CCSER1: variants seen among roughly 807,000 people sequenced by gnomAD.
CCSER1 encodes the protein coiled-coil serine rich protein 1, also known as serine-rich coiled-coil domain-containing protein 1.
In CCSER1, 41 loss-of-function variants were observed where a neutral mutation model predicts 82.0. The observed-to-expected ratio is 0.50, with a 90% CI of 0.39 to 0.65. The LOEUF is 0.65. CCSER1 is among the 30% of genes least tolerant of loss of function. CCSER1 has a pLI of 0.00. For synonymous variants in CCSER1, 414 were observed against 383.9 expected, an observed-to-expected ratio of 1.08 and a Z score of -0.92; for missense variants, 1,119 against 1,064.2, an observed-to-expected ratio of 1.05 and a Z score of -0.72.
At position 90,315,781 on chromosome 4, in the gene CCSER1, G is replaced by A. The variant is rs537947984; in HGVS notation, c.1509+2734G>A. On this transcript the variant is annotated intron_variant, in intron 3 of 10. Transcript: ENST00000509176. ...ACCTCCCAAAGTGCTGGGATTACAG[G>A]TGTGAGTCACCGCACCTGAGCAGTT... Among the ~76,000 whole-genome samples, 443 of 152,312 alleles carry A rather than the reference G, an allele frequency of 2.9e-3. 2 individuals carry two copies. The highest frequency in any genetic ancestry group is 5.5e-3 in the Non-Finnish European group (371 of 68,030).
At chr4:90,784,422 TAACAATGTG>T (rs1299697927) in intron 7 of CCSER1, among the ~76,000 whole-genome samples, 5 of 152,238 alleles carry the variant, frequency 3.3e-5, no homozygotes, top group African/African-American at 1.2e-4. Flanking sequence ...TGATTTTCAA[TAACAATGTG>T]TTCCAAAAGT....
intron 5 of CCSER1, among the ~76,000 whole-genome samples, chr4:90,494,540 T>C (rs1329101548): frequency 6.6e-6 from 1 of 152,038 alleles, no homozygotes; most frequent in Non-Finnish European, 1.5e-5. Flanking sequence ...ATTCTTGTTC[T>C]ATCTCATGAG....
intron 1 of CCSER1, among the ~76,000 whole-genome samples, chr4:90,303,269 A>G (rs1484157115): frequency 6.6e-6 from 1 of 152,014 alleles, no homozygotes; most frequent in Non-Finnish European, 1.5e-5. Context: ...ATTGCTGCCA[A>G]TGACTTTCTT....
chr4:90,988,612 G>A (rs1736778691), intron 9 of CCSER1, among the ~76,000 whole-genome samples: 1 of 151,582 alleles, frequency 6.6e-6, no homozygotes, highest in Non-Finnish European at 1.5e-5. Flanking sequence ...CTGTGTTATG[G>A]GAGGGGTTCC....
intron 1 of CCSER1, among the ~76,000 whole-genome samples, chr4:90,248,763 T>A (rs1279713421): frequency 6.6e-6 from 1 of 151,702 alleles, no homozygotes; most frequent in Non-Finnish European, 1.5e-5. Context: ...AGTGGTGTGA[T>A]CACCGTTCAC....
intron 10 of CCSER1, among the ~76,000 whole-genome samples, chr4:91,309,244 T>G (rs1470563124): frequency 6.6e-6 from 1 of 152,080 alleles, no homozygotes; most frequent in African/African-American, 2.4e-5. Flanking sequence ...TGGCTTACTA[T>G]TCTTTTCCTT....
At position 91,011,879 on chromosome 4, in the gene CCSER1, C is replaced by T. The variant is rs540497804; in HGVS notation, c.2173-74071C>T. 1.3e-4 allele frequency among the ~76,000 whole-genome samples: 18 copies of T among 134,470 alleles called. 2 individuals carry two copies. Among genetic ancestry groups the T allele is most frequent in the East Asian group, 2.4e-4 (1 of 4,178 alleles). 88.2% of individuals were successfully genotyped at this position (134,470 alleles called of 152,430 possible). A position where few individuals can be genotyped will look rare whatever the true frequency, so the allele number is the denominator to read the frequency against. On this transcript the variant is annotated intron_variant, in intron 9 of 10. Coordinates refer to ENST00000509176, the MANE Select transcript of CCSER1 (RefSeq NM_001145065.2). ...GTGGAACACAATTGTGGCTTGGGCC[C>T]GGGTGGTAGGGAGCAGCACAATAAT... is the stretch of plus-strand genomic sequence containing the variant.
At chr4:91,411,518 A>ATATG (rs916501767) in intron 10 of CCSER1, among the ~76,000 whole-genome samples, 9 of 116,312 alleles carry the variant, frequency 7.7e-5, no homozygotes, top group Middle Eastern at 4.8e-3. Flanking sequence ...ATATATATAT[A>ATATG]TATATATAAA....
intron 10 of CCSER1, among the ~76,000 whole-genome samples, chr4:91,590,819 A>T (rs1232154469): frequency 6.6e-6 from 1 of 152,174 alleles, no homozygotes; most frequent in African/African-American, 2.4e-5. Context: ...TATAATAAGG[A>T]TTATATGTGT....
At chr4:91,585,712 T>A (rs552442557) in intron 10 of CCSER1, among the ~76,000 whole-genome samples, 2 of 151,332 alleles carry the variant, frequency 1.3e-5, no homozygotes, top group Non-Finnish European at 3.0e-5. Context: ...GTAAAGGACC[T>A]AAAAGACCTA....
intron 10 of CCSER1, among the ~76,000 whole-genome samples, chr4:91,384,524 G>A (rs1271120816): frequency 1.3e-5 from 2 of 151,616 alleles, no homozygotes; most frequent in Non-Finnish European, 2.9e-5. Flanking sequence ...TGTCATTTAG[G>A]ATAAGATACA....
chr4:90,651,507 G>A (rs543550592), intron 6 of CCSER1, among the ~76,000 whole-genome samples: 1 of 152,222 alleles, frequency 6.6e-6, no homozygotes, highest in African/African-American at 2.4e-5. Context: ...CATGGACACA[G>A]GGATGGGAAC....
chr4:90,296,138 G>A (rs1731849990), intron 1 of CCSER1, among the ~76,000 whole-genome samples: 1 of 152,156 alleles, frequency 6.6e-6, no homozygotes, highest in Non-Finnish European at 1.5e-5. Flanking sequence ...TGGAAATCAT[G>A]TTCAGACTCT....
intron 6 of CCSER1, among the ~76,000 whole-genome samples, chr4:90,702,709 A>G (rs1042263614): frequency 6.6e-5 from 10 of 151,502 alleles, no homozygotes; most frequent in African/African-American, 2.2e-4. Flanking sequence ...GGGAGGGTGT[A>G]TGTGTCCAGT....
intron 10 of CCSER1, among the ~76,000 whole-genome samples, chr4:91,517,391 T>C (rs7666679): frequency 0.54 from 81,540 of 151,978 alleles, 22,089 homozygotes; most frequent in East Asian, 0.62. Context: ...ATTTGAGAGT[T>C]TTTAACATGA....
chr4:91,273,804 A>C (rs1394954010), intron 10 of CCSER1, among the ~76,000 whole-genome samples: 1 of 152,154 alleles, frequency 6.6e-6, no homozygotes, highest in Non-Finnish European at 1.5e-5. Flanking sequence ...TGAGAGTTTT[A>C]ATCATAAAAG....
intron 1 of CCSER1, among the ~76,000 whole-genome samples, chr4:90,174,069 G>T (rs192801546): frequency 6.6e-6 from 1 of 151,986 alleles, no homozygotes; most frequent in Non-Finnish European, 1.5e-5. Context: ...TGATAGGTTT[G>T]TTAAATACAT....
At chr4:91,299,641 T>G (rs1379819036) in intron 10 of CCSER1, among the ~76,000 whole-genome samples, 1 of 151,978 alleles carries the variant, frequency 6.6e-6, no homozygotes, top group Non-Finnish European at 1.5e-5. Flanking sequence ...AAAATAGTAC[T>G]ACAAGGATAT....
At chr4:90,319,948 T>C (rs1736831974) in intron 3 of CCSER1, among the ~76,000 whole-genome samples, 1 of 152,220 alleles carries the variant, frequency 6.6e-6, no homozygotes, top group Non-Finnish European at 1.5e-5. Context: ...TCATTAAACA[T>C]GAAATTACAT....
Sources: gnomAD v4.1 joint callset for allele counts (sites outside exome capture counted in the v4.1 genomes callset) on GRCh38, gnomAD v4.1.1 for gene constraint, MANE v1.5 for transcripts, NCBI Gene and HGNC (gene_info 2026-07-23, HGNC 2026-07-21) for gene names.